Variants in PTPRN2 observed in about 807,000 individuals in gnomAD.
The protein encoded by PTPRN2 is receptor-type tyrosine-protein phosphatase N2.
A neutral mutation model predicts 118.8 loss-of-function variants in PTPRN2; 74 were observed. That is an observed-to-expected ratio of 0.62 (90% CI 0.52 to 0.76). The LOEUF (loss-of-function observed/expected upper bound fraction) is 0.76, where lower values mean the gene tolerates loss of function less well. Among genes scored for constraint, PTPRN2 ranks in the 30% least tolerant of loss-of-function variants. PTPRN2 has a pLI of 0.00. For synonymous variants in PTPRN2, 641 were observed against 608.0 expected (o/e 1.05, Z -0.80); for missense variants, 1,481 against 1,394.4 (o/e 1.06, Z -0.99).
chr7:158,185,414 TTATC>T (rs1347943734), intron 5 of PTPRN2, among the ~76,000 whole-genome samples: 1 of 152,236 alleles, frequency 6.6e-6, no homozygotes, highest in Non-Finnish European at 1.5e-5. Flanking sequence ...TACTGATACT[TTATC>T]TATTTGTTTA....
intron 2 of PTPRN2, among the ~76,000 whole-genome samples, chr7:158,327,062 C>T (rs1223499158): frequency 7.3e-5 from 11 of 151,532 alleles, no homozygotes; most frequent in Non-Finnish European, 1.5e-5. Context: ...TTCTCATCTG[C>T]ACATACATGC....
In PTPRN2 at chr7:158,554,107, A is replaced by G. The variant is rs1046159393; in HGVS notation, c.112+33451T>C. ...CTTATATACCCCATCTCTTCTAAAA[A>G]TACAAAAAATTAGCCGGATGTGGTG... On this transcript the variant is annotated intron_variant, in intron 1 of 22. Transcript: ENST00000389418. Among the ~76,000 whole-genome samples, 5 of 152,342 alleles carry G rather than the reference A, an allele frequency of 3.3e-5. No homozygotes were observed. In the South Asian group the frequency reaches 1.0e-3, roughly 32 times the overall value.
At chr7:157,932,270 G>T (rs1016516814) in intron 11 of PTPRN2, among the ~76,000 whole-genome samples, 2 of 152,164 alleles carry the variant, frequency 1.3e-5, no homozygotes, top group African/African-American at 4.8e-5. Flanking sequence ...CTAATCAACA[G>T]AACTTACACG....
intron 2 of PTPRN2, among the ~76,000 whole-genome samples, chr7:158,332,167 A>T: frequency 6.7e-6 from 1 of 150,292 alleles, no homozygotes. Flanking sequence ...GATGTCACTC[A>T]CATCCACACT....
intron 12 of PTPRN2, among the ~76,000 whole-genome samples, chr7:157,873,250 G>C (rs939359367): frequency 2.0e-5 from 3 of 152,246 alleles, no homozygotes; most frequent in Admixed American, 2.0e-4. Flanking sequence ...CCACCAGCGA[G>C]TGCTGAGCAA....
At chr7:158,156,050 T>C (rs1563530571) in intron 6 of PTPRN2, among the ~76,000 whole-genome samples, 1 of 152,124 alleles carries the variant, frequency 6.6e-6, no homozygotes, top group Non-Finnish European at 1.5e-5. Context: ...TGTAGTAAAA[T>C]ATATTCTGCT....
intron 6 of PTPRN2, among the ~76,000 whole-genome samples, chr7:158,150,884 G>T (rs1001502668): frequency 1.3e-5 from 2 of 151,924 alleles, no homozygotes; most frequent in African/African-American, 4.8e-5. Context: ...CGTGCTGGTG[G>T]AATTATCCTA....
chr7:158,288,395 T>C (rs541827496), intron 3 of PTPRN2, among the ~76,000 whole-genome samples: 16 of 152,298 alleles, frequency 1.1e-4, no homozygotes, highest in African/African-American at 3.6e-4. Flanking sequence ...TCCCTTATGA[T>C]TGGGTGATTT....
chr7:158,111,634 A>G (rs1288737009), intron 9 of PTPRN2, among the ~76,000 whole-genome samples: 1 of 152,224 alleles, frequency 6.6e-6, no homozygotes, highest in Non-Finnish European at 1.5e-5. Flanking sequence ...CTTTCACCCC[A>G]GCAGACCAAA....
intron 3 of PTPRN2, among the ~76,000 whole-genome samples, chr7:158,312,154 GCA>G (rs1205446613): frequency 7.1e-5 from 10 of 141,340 alleles, no homozygotes; most frequent in South Asian, 2.3e-4. Context: ...AGCCACACAT[GCA>G]CACACACCTG....
At chr7:158,416,216 T>TC (rs1293053911) in intron 2 of PTPRN2, among the ~76,000 whole-genome samples, 2 of 152,228 alleles carry the variant, frequency 1.3e-5, no homozygotes, top group African/African-American at 4.8e-5. Flanking sequence ...GGAATGGGAA[T>TC]CCAGCTTCAC....
chr7:158,002,218 G>A (rs1805316790), intron 11 of PTPRN2, among the ~76,000 whole-genome samples: 2 of 152,320 alleles, frequency 1.3e-5, no homozygotes, highest in South Asian at 4.1e-4. Context: ...TGGTCATCAG[G>A]CGAGTGCTGC....
intron 12 of PTPRN2, among the ~76,000 whole-genome samples, chr7:157,742,203 T>C (rs1800672831): frequency 6.6e-6 from 1 of 152,214 alleles, no homozygotes; most frequent in African/African-American, 2.4e-5. Context: ...TATCGAGGGC[T>C]TTTGCATATG....
In PTPRN2 at chr7:158,130,651, T is replaced by A. The variant is rs113604807; in HGVS notation, c.1556+3026A>T. ...GCACATATGCACAAACCAATACACA[T>A]CTACCTGACTCATACACACACACGT... On this transcript the variant is annotated intron_variant, in intron 9 of 22. Transcript: ENST00000389418. 1.9e-3 allele frequency among the ~76,000 whole-genome samples: 263 copies of A among 139,232 alleles called. 1 individual carries two copies. The highest frequency in any genetic ancestry group is 6.6e-3 in the African/African-American group (241 of 36,538). The allele number at this position is 139,232 out of a possible 152,430, so 91.3% of individuals were successfully genotyped here. A position where few individuals can be genotyped will look rare whatever the true frequency, so the allele number is the denominator to read the frequency against.
rs964690129 is a variant in PTPRN2 at position 158,378,671 on chromosome 7, C to A, written c.164-61739G>T. Among the ~76,000 whole-genome samples the A allele has an allele frequency of 2.0e-5, 3 of 152,156 alleles. No individual in the cohort carries two copies. In the South Asian group the frequency reaches 6.2e-4, roughly 32 times the overall value. On this transcript the variant is annotated intron_variant, in intron 2 of 22. Coordinates refer to ENST00000389418, the MANE Select transcript of PTPRN2 (RefSeq NM_002847.5). ...AAAACTCCTGGGCTTTGGAGTCCAG[C>A]ACACTCCAGGGTCCAGGGTCCAGGG... is the stretch of plus-strand genomic sequence containing the variant.
chr7:158,276,897 G>T lies in PTPRN2; in HGVS notation c.277+39922C>A, dbSNP rs1799044307. 6.6e-5 allele frequency among the ~76,000 whole-genome samples: 10 copies of T among 152,296 alleles called. No individual in the cohort carries two copies. In the South Asian group the frequency reaches 1.9e-3, roughly 28 times the overall value. On this transcript the variant is annotated intron_variant, in intron 3 of 22. Transcript: ENST00000389418. ...GCCACTGTGAGCTGGGGCCGAGGGGGCCATATGCTCAGGTGCTGTCTATCA... is the reference window on the plus strand; with the variant it reads ...GCCACTGTGAGCTGGGGCCGAGGGGTCCATATGCTCAGGTGCTGTCTATCA...
rs1437449420 is a variant in PTPRN2, at chr7:157,779,737, G to A, written c.1789-96800C>T. ...GGGGTCCTGAGGGTCTGGGGAAGGC[G>A]CTGTGGCCTGAATGCTCACCCTATG... is the stretch of plus-strand genomic sequence containing the variant. On this transcript the variant is annotated intron_variant, in intron 12 of 22. Coordinates refer to ENST00000389418, the MANE Select transcript of PTPRN2 (RefSeq NM_002847.5). This position sits in a 1 kb window ranked among gnomAD's most constrained non-coding sequence, Gnocchi z 4.7. 1.3e-5 allele frequency among the ~76,000 whole-genome samples: 2 copies of A among 152,206 alleles called. No individual in the cohort carries two copies. The highest frequency in any genetic ancestry group is 2.9e-5 in the Non-Finnish European group (2 of 68,034).
At chr7:157,571,240 T>G (rs1338444323) in intron 20 of PTPRN2, among the ~76,000 whole-genome samples, 200 bp downstream of exon 20, 1 of 151,354 alleles carries the variant, frequency 6.6e-6, no homozygotes, top group African/African-American at 2.4e-5. Context: ...ATGTGCAGTT[T>G]ATACAGACAT....
intron 3 of PTPRN2, among the ~76,000 whole-genome samples, chr7:158,244,316 G>C (rs1796064196): frequency 6.6e-6 from 1 of 152,246 alleles, no homozygotes; most frequent in Non-Finnish European, 1.5e-5. Context: ...CAAATTAAAA[G>C]GTGAAAGGTC....
Sources: gnomAD v4.1 joint callset for allele counts (sites outside exome capture counted in the v4.1 genomes callset) on GRCh38, gnomAD v4.1.1 for gene constraint, Gnocchi (gnomAD v3.1) non-coding constraint, MANE v1.5 for transcripts, NCBI Gene and HGNC (gene_info 2026-07-23, HGNC 2026-07-21) for gene names.